The following CCDC200 variants were observed in gnomAD, a reference collection of about 807,000 sequenced individuals.
CCDC200 encodes coiled-coil domain-containing protein 200.
chr17:43,227,139 C>T (rs76245648), intron 1 of CCDC200, among the ~76,000 whole-genome samples: 4 of 151,748 alleles, frequency 2.6e-5, no homozygotes, highest in East Asian at 1.9e-4. Context: ...CCACCACGCC[C>T]GGCTGATTTT....
intron 1 of CCDC200, among the ~76,000 whole-genome samples, chr17:43,225,788 C>T (rs1357698458): frequency 7.3e-6 from 1 of 137,542 alleles, no homozygotes; most frequent in African/African-American, 2.6e-5. Flanking sequence ...GGCTGGAGTG[C>T]AATGGCCTGA....
intron 3 of CCDC200, among the ~76,000 whole-genome samples, chr17:43,222,686 G>T (rs995869540): frequency 4.0e-5 from 6 of 150,220 alleles, no homozygotes; most frequent in East Asian, 3.9e-4. Flanking sequence ...AACCTCTGGT[G>T]CTCAAGCGAT....
intron 1 of CCDC200, among the ~76,000 whole-genome samples, chr17:43,225,777 A>T (rs2057565380): frequency 7.7e-6 from 1 of 130,314 alleles, no homozygotes; most frequent in Non-Finnish European, 1.6e-5. Flanking sequence ...TCTGTCCCCC[A>T]GGCTGGAGTG....
chr17:43,225,983 C>T (rs1334714234), intron 1 of CCDC200, among the ~76,000 whole-genome samples: 3 of 151,958 alleles, frequency 2.0e-5, no homozygotes, highest in Middle Eastern at 3.4e-3. Flanking sequence ...CCACCCGCCT[C>T]GGCCTCCCAA....
At chr17:43,223,714 G>A (rs917507421) in intron 2 of CCDC200, 100 bp from the exon 3 acceptor site, 3 of 152,524 alleles carry the variant, frequency 2.0e-5, no homozygotes, top group Admixed American at 6.6e-5. Context: ...AGGGGGTGAT[G>A]GGGGTGCAGT....
chr17:43,224,975 C>T (rs2057556981), intron 1 of CCDC200: 1 of 152,182 alleles, frequency 6.6e-6, no homozygotes, highest in Non-Finnish European at 1.5e-5. Flanking sequence ...AGTGATTCTC[C>T]TGCCTCAGCT....
chr17:43,222,989 G>C (rs1189889571), intron 3 of CCDC200, among the ~76,000 whole-genome samples: 1 of 151,802 alleles, frequency 6.6e-6, no homozygotes, highest in East Asian at 1.9e-4. Flanking sequence ...GGATGGTCTT[G>C]ATCTCTTGAC....
At chr17:43,225,390 C>T (rs544544613) in intron 1 of CCDC200, among the ~76,000 whole-genome samples, 25 of 151,510 alleles carry the variant, frequency 1.7e-4, no homozygotes, top group South Asian at 8.4e-4. Flanking sequence ...CTGGGCCGGA[C>T]GCGGTGGCTC....
upstream of CCDC200, among the ~76,000 whole-genome samples, chr17:43,230,678 GAAAAA>G (rs1194184063): frequency 5.8e-4 from 4 of 6,918 alleles, no homozygotes; most frequent in South Asian, 0.022. Flanking sequence ...CTTTGTCTCT[GAAAAA>G]AAAAAAAAAA....
Position 43,225,693 on chromosome 17 carries a change from T to TATATAAAA in CCDC200, c.106-1145_106-1144insTTTTATAT, listed in dbSNP as rs1282739067. Among the ~76,000 whole-genome samples the TATATAAAA allele has an allele frequency of 1.0e-3, 30 of 28,976 alleles. 10 individuals carry two copies. In the East Asian group the frequency reaches 0.025, roughly 24 times the overall value. 19.0% of individuals were successfully genotyped at this position (28,976 alleles called of 152,430 possible). A position where few individuals can be genotyped will look rare whatever the true frequency, so the allele number is the denominator to read the frequency against. ...AAAAAAAAAAAAGTATATATATATA[T>TATATAAAA]TGCATGCTACATGTGTAATTTTAAA... On this transcript the variant is annotated intron_variant, in intron 1 of 3. Transcript: ENST00000636331.
chr17:43,222,436 G>A (rs1279902479), intron 3 of CCDC200, among the ~76,000 whole-genome samples: 1 of 152,112 alleles, frequency 6.6e-6, no homozygotes, highest in Non-Finnish European at 1.5e-5. Flanking sequence ...CAAAGTGCTG[G>A]GATTTCAGGC....
chr17:43,223,480 T>TACACACACACACACA (rs2057547678), intron 3 of CCDC200, 76 bp downstream of exon 3: 1 of 134,964 alleles, frequency 7.4e-6, no homozygotes, highest in Non-Finnish European at 1.7e-5. Context: ...ACACACACAC[T>TACACACACACACACA]CACACTCTCT....
rs1314376207 is a variant in CCDC200, at chr17:43,226,959, A to C, written c.105+1491T>G. Among the ~76,000 whole-genome samples the C allele has an allele frequency of 2.6e-5, 4 of 152,074 alleles. No individual in the cohort carries two copies. In the East Asian group the frequency reaches 5.8e-4, roughly 22 times the overall value. On this transcript the variant is annotated intron_variant, in intron 1 of 3. Coordinates refer to ENST00000636331, the MANE Select transcript of CCDC200 (RefSeq NM_001363254.2). Reference sequence around the variant, plus strand: ...TTTTCCAGTATGTATGTTGTTTTAAAATATTTATATTTTTGTTGTTGTTGT... The same window carrying C: ...TTTTCCAGTATGTATGTTGTTTTAACATATTTATATTTTTGTTGTTGTTGT...
chr17:43,226,819 A>G (rs2057572625), intron 1 of CCDC200, among the ~76,000 whole-genome samples: 1 of 152,202 alleles, frequency 6.6e-6, no homozygotes, highest in African/African-American at 2.4e-5. Context: ...ACAACAGCAC[A>G]TCTTAATTTG....
At chr17:43,223,957 T>C (rs1329714463) in intron 2 of CCDC200, 1 of 152,216 alleles carries the variant, frequency 6.6e-6, no homozygotes, top group African/African-American at 2.4e-5. Flanking sequence ...GGAAGGCTCC[T>C]TTGCAGCCGT....
rs530552043 is a variant in CCDC200, at chr17:43,226,794, T to C, written c.105+1656A>G. On this transcript the variant is annotated intron_variant, in intron 1 of 3. Transcript: ENST00000636331. Reference sequence around the variant, plus strand: ...GTTTTCATACTAAGTCTTCAAAACCTAGCTTGAATTTGAAACAACAGCACA... The same window carrying C: ...GTTTTCATACTAAGTCTTCAAAACCCAGCTTGAATTTGAAACAACAGCACA... Among the ~76,000 whole-genome samples, 3 of 152,330 alleles carry C rather than the reference T, an allele frequency of 2.0e-5. No homozygotes were observed. In the South Asian group the frequency reaches 6.2e-4, roughly 32 times the overall value.
At chr17:43,221,883 T>C (rs2057536043) in intron 3 of CCDC200, among the ~76,000 whole-genome samples, 1 of 151,716 alleles carries the variant, frequency 6.6e-6, no homozygotes, top group Non-Finnish European at 1.5e-5. Flanking sequence ...CCAAGACGGG[T>C]AGATCTTTTG....
At chr17:43,222,728 C>T (rs2154582714) in intron 3 of CCDC200, among the ~76,000 whole-genome samples, 1 of 151,122 alleles carries the variant, frequency 6.6e-6, no homozygotes. Flanking sequence ...AGCTTGGACT[C>T]CAGGTATGTG....
intron 1 of CCDC200, chr17:43,226,271 A>G (rs1212522262): frequency 1.3e-5 from 2 of 152,108 alleles, no homozygotes; most frequent in Non-Finnish European, 2.9e-5. Flanking sequence ...AGCCCAGGAG[A>G]TCAAGGCTGC....
Sources: gnomAD v4.1 joint callset for allele counts (sites outside exome capture counted in the v4.1 genomes callset) on GRCh38, gnomAD v4.1.1 for gene constraint, MANE v1.5 for transcripts, NCBI Gene and HGNC (gene_info 2026-07-23, HGNC 2026-07-21) for gene names.